The following DCLK1 variants were observed in gnomAD, a reference collection of about 807,000 sequenced individuals.
DCLK1 encodes doublecortin like kinase 1, also known as serine/threonine-protein kinase DCLK1.
A neutral mutation model predicts 86.2 loss-of-function variants in DCLK1; 16 were observed. The ratio of observed to expected loss-of-function variants is 0.19; its 90% CI spans 0.13 to 0.28. The LOEUF (loss-of-function observed/expected upper bound fraction) is 0.28, where lower values mean the gene tolerates loss of function less well. Among genes scored for constraint, DCLK1 ranks in the 10% least tolerant of loss-of-function variants. DCLK1 has a pLI of 1.00. For missense variants in DCLK1, 590 were observed against 940.2 expected, an observed-to-expected ratio of 0.63 and a Z score of 4.87; for synonymous variants, 369 against 370.5, an observed-to-expected ratio of 1.00 and a Z score of 0.05.
At chr13:36,060,753 A>T (rs974076703) in intron 3 of DCLK1, among the ~76,000 whole-genome samples, 2 of 152,220 alleles carry the variant, frequency 1.3e-5, no homozygotes, top group African/African-American at 4.8e-5. Context: ...AAATTTAGTA[A>T]CATAAACTGC....
At chr13:35,916,068 G>A (rs1056642392) in intron 4 of DCLK1, among the ~76,000 whole-genome samples, 3 of 152,166 alleles carry the variant, frequency 2.0e-5, no homozygotes, top group African/African-American at 7.2e-5. Flanking sequence ...CAGGCTCTGC[G>A]TGATGAGGCA....
At chr13:36,111,324 GA>G (rs1885611632) in intron 3 of DCLK1, among the ~76,000 whole-genome samples, 1 of 152,016 alleles carries the variant, frequency 6.6e-6, no homozygotes, top group Non-Finnish European at 1.5e-5. Context: ...TTTTAACACT[GA>G]AAAATACAAG....
intron 3 of DCLK1, among the ~76,000 whole-genome samples, chr13:36,100,179 CAAAAAAAAAAAAAA>C (rs58824322): frequency 3.2e-4 from 12 of 37,702 alleles, no homozygotes; most frequent in South Asian, 5.3e-3. Flanking sequence ...CCTGTCTCTA[CAAAAAAAAAAAAAA>C]AAAAAAAAAA....
rs1340568626 is a variant in DCLK1 at position 36,126,085 on chromosome 13, G to A, written c.53C>T (p.Ala18Val). The stretch of plus-strand genomic sequence containing the variant: ...CCGCGACCCTCGGCTGTATCTCTGC[G>A]CCTTATCCCGCTCGTCGAAGTGCTC... ...ELEHFDERDK[A>V]QRYSRGSRVN... Residue 18 changes from alanine to valine, a missense_variant, in exon 2 of 17, where the codon GCG (alanine) becomes GTG (valine). Coordinates refer to ENST00000360631, the MANE Select transcript of DCLK1 (RefSeq NM_001330071.2). 3 of 1,610,226 alleles carry A rather than the reference G, an allele frequency of 1.9e-6. No homozygotes were observed. The highest frequency in any genetic ancestry group is 1.7e-5 in the Admixed American group (1 of 59,960).
intron 3 of DCLK1, among the ~76,000 whole-genome samples, chr13:36,045,290 T>A (rs1198542843): frequency 1.6e-5 from 2 of 128,596 alleles, no homozygotes; most frequent in East Asian, 2.3e-4. Context: ...ATATATATAA[T>A]AATCGTCTAA....
chr13:35,850,739 GA>G (rs1870557992), intron 6 of DCLK1: 2 of 1,604,068 alleles, frequency 1.2e-6, no homozygotes, highest in Non-Finnish European at 1.7e-6. Flanking sequence ...GTCTCCTACT[GA>G]ATCCAAGTCA....
chr13:35,860,311 G>T (rs1264697479), intron 5 of DCLK1, among the ~76,000 whole-genome samples: 1 of 150,424 alleles, frequency 6.6e-6, no homozygotes, highest in Non-Finnish European at 1.5e-5. Context: ...GAAAAAAAAT[G>T]CAGGGGGTGG....
rs1040350140 is a variant in DCLK1 at position 35,805,645 on chromosome 13, G to C, written c.1944+54C>G. ...CAATAACATTAGAAAATCTGCAACT[G>C]ATTTTTAAAAGGAATGTTAGGAGAG... On this transcript the variant is annotated intron_variant, in intron 15 of 16. Coordinates refer to ENST00000360631, the MANE Select transcript of DCLK1 (RefSeq NM_001330071.2). 29 of 1,545,834 alleles carry C rather than the reference G, an allele frequency of 1.9e-5. No homozygotes were observed. In the African/African-American group the frequency reaches 3.7e-4, roughly 20 times the overall value.
At chr13:35,870,945 T>C (rs879110894) in intron 5 of DCLK1, among the ~76,000 whole-genome samples, 1 of 152,228 alleles carries the variant, frequency 6.6e-6, no homozygotes, top group Admixed American at 6.5e-5. Flanking sequence ...AGATTAACTT[T>C]GGTGGTAGAA....
intron 1 of DCLK1, among the ~76,000 whole-genome samples, chr13:36,130,490 G>T (rs1199900223): frequency 6.6e-6 from 1 of 152,144 alleles, no homozygotes; most frequent in Non-Finnish European, 1.5e-5. Flanking sequence ...CTGTGCGTGC[G>T]CTCCCACTAG....
At chr13:35,967,752 G>C (rs1209894558) in intron 3 of DCLK1, among the ~76,000 whole-genome samples, 1 of 151,924 alleles carries the variant, frequency 6.6e-6, no homozygotes, top group East Asian at 1.9e-4. Context: ...TTTATCTGCT[G>C]ACCTTCCCTC....
chr13:35,797,722 T>G (rs2086840630), intron 15 of DCLK1, among the ~76,000 whole-genome samples: 1 of 152,058 alleles, frequency 6.6e-6, no homozygotes, highest in South Asian at 2.1e-4. Flanking sequence ...TTTATATAAA[T>G]TTTGAAGGTT....
chr13:35,885,712 A>T lies in DCLK1; in HGVS notation c.824-14372T>A, dbSNP rs75578302. Among the ~76,000 whole-genome samples, 1,252 of 152,302 alleles carry T rather than the reference A, an allele frequency of 8.2e-3. 15 individuals carry two copies. Among genetic ancestry groups the T allele is most frequent in the African/African-American group, 0.028 (1,181 of 41,552 alleles). On this transcript the variant is annotated intron_variant, in intron 4 of 16. Coordinates refer to ENST00000360631, the MANE Select transcript of DCLK1 (RefSeq NM_001330071.2). ...AGGCATTAAATTAGGCATACCCTAA[A>T]ACCTTCAAATTCATATTTTTATATA...
At chr13:35,991,572 G>A (rs907690620) in intron 3 of DCLK1, among the ~76,000 whole-genome samples, 12 of 152,108 alleles carry the variant, frequency 7.9e-5, no homozygotes, top group African/African-American at 2.7e-4. Context: ...GCTGAGCTGG[G>A]AGGATCACTT....
At chr13:35,991,838 G>C in intron 3 of DCLK1, among the ~76,000 whole-genome samples, 1 of 152,080 alleles carries the variant, frequency 6.6e-6, no homozygotes, top group East Asian at 1.9e-4. Flanking sequence ...GCTTGAAACT[G>C]CCTACCCTGT....
In DCLK1 at chr13:36,106,851, C is replaced by CT. The variant is rs541872204; in HGVS notation, c.723+5017dup. On this transcript the variant is annotated intron_variant, in intron 3 of 16. Coordinates refer to ENST00000360631, the MANE Select transcript of DCLK1 (RefSeq NM_001330071.2). ...TCAGATGCAATAATAATTTGTACCA[C>CT]TTTTTTAACTTGTAAGAGGAAGACA... 2.6e-5 allele frequency among the ~76,000 whole-genome samples: 4 copies of CT among 152,186 alleles called. No homozygotes were observed. In the South Asian group the frequency reaches 8.3e-4, roughly 32 times the overall value.
intron 2 of DCLK1, among the ~76,000 whole-genome samples, chr13:36,120,379 T>A (rs1019188160): frequency 6.6e-6 from 1 of 152,186 alleles, no homozygotes; most frequent in East Asian, 1.9e-4. Flanking sequence ...TGTCTAGAGA[T>A]GTTTAGATAC....
chr13:36,032,020 ATCTT>A (rs1670761100), intron 3 of DCLK1, among the ~76,000 whole-genome samples: 1 of 152,160 alleles, frequency 6.6e-6, no homozygotes, highest in Admixed American at 6.5e-5. Flanking sequence ...CCATTCATTA[ATCTT>A]TCTTTCACTC....
chr13:36,108,954 T>G (rs1438319922), intron 3 of DCLK1, among the ~76,000 whole-genome samples: 1 of 152,158 alleles, frequency 6.6e-6, no homozygotes, highest in African/African-American at 2.4e-5. Context: ...TGGAGGAAAC[T>G]GATTTATTCT....
Sources: allele counts gnomAD v4.1 joint callset (sites outside exome capture counted in the v4.1 genomes callset), GRCh38; gene constraint gnomAD v4.1.1; transcripts MANE v1.5; gene names NCBI Gene and HGNC (gene_info 2026-07-23, HGNC 2026-07-21).